The following FBLN2 variants were observed in gnomAD, a reference collection of about 807,000 sequenced individuals.
FBLN2 encodes fibulin 2.
In FBLN2, 81 loss-of-function variants were observed where a neutral mutation model predicts 123.7. The observed-to-expected ratio is 0.65, with a 90% CI of 0.55 to 0.79. FBLN2 has a LOEUF of 0.79. FBLN2 is among the 30% of genes least tolerant of loss of function. The pLI, the probability that FBLN2 is intolerant of heterozygous loss-of-function variation, is 0.00. For missense variants in FBLN2, 1,603 were observed against 1,681.3 expected, an observed-to-expected ratio of 0.95 and a Z score of 0.81; for synonymous variants, 699 against 701.4, an observed-to-expected ratio of 1.00 and a Z score of 0.05.
Position 13,621,916 on chromosome 3 carries a change from G to A in FBLN2, c.2296+1G>A, listed in dbSNP as rs1453582488. On this transcript the variant is annotated splice_donor_variant, in intron 9 of 17. Transcript: ENST00000404922. LOFTEE classifies it high-confidence loss of function. ...CTCAATGCGCACAGGAAGTGCGTGG[G>A]TAAGCCAGGGCCCCGCCTGCCGCCC... The A allele has an allele frequency of 6.2e-7, 1 of 1,611,238 alleles. No individual in the cohort carries two copies. Among genetic ancestry groups the A allele is most frequent in the Non-Finnish European group, 8.5e-7 (1 of 1,178,942 alleles).
At chr3:13,580,367 C>T (rs1032054073) in intron 2 of FBLN2, among the ~76,000 whole-genome samples, 4 of 152,294 alleles carry the variant, frequency 2.6e-5, no homozygotes, top group African/African-American at 4.8e-5. Context: ...TCTCTTTCCT[C>T]GTTCTATTCA....
Position 13,629,960 on chromosome 3 carries a change from A to ATC in FBLN2, c.2968+19_2968+20dup, listed in dbSNP as rs1439134583. The ATC allele has an allele frequency of 1.2e-6, 2 of 1,609,600 alleles. No individual in the cohort carries two copies. The highest frequency in any genetic ancestry group is 1.7e-6 in the Non-Finnish European group (2 of 1,178,820). ...GCGCTGTGAAGGTAGGCTGGCCCTC[A>ATC]TCTCTGACCCTATGCCGCCTGGTAT... On this transcript the variant is annotated intron_variant, in intron 14 of 17. Transcript: ENST00000404922.
rs192823388 is a variant in FBLN2, at chr3:13,567,087, T to C, written c.-41-3228T>C. ...GGCAAGCCTGAGGTTTGGGATTGCT[T>C]AAGCATGGACAGAATGTGATGCTGG... On this transcript the variant is annotated intron_variant, in intron 1 of 17. Coordinates refer to ENST00000404922, the MANE Select transcript of FBLN2 (RefSeq NM_001004019.2). 1.4e-3 allele frequency among the ~76,000 whole-genome samples: 211 copies of C among 151,994 alleles called. 1 individual carries two copies. The highest frequency in any genetic ancestry group is 3.4e-3 in the Middle Eastern group (1 of 294).
rs996794745 is a variant in FBLN2, at chr3:13,572,469, A to G, written c.1306+808A>G. On this transcript the variant is annotated intron_variant, in intron 2 of 17. Coordinates refer to ENST00000404922, the MANE Select transcript of FBLN2 (RefSeq NM_001004019.2). ...ACAACCAGTGAGCAGTGGGCCTGGA[A>G]GGCCCTGGAGCCTGCACTCCTGACC... is the stretch of plus-strand genomic sequence containing the variant. Among the ~76,000 whole-genome samples, 2 of 152,232 alleles carry G rather than the reference A, an allele frequency of 1.3e-5. 1 individual carries two copies. Among genetic ancestry groups the G allele is most frequent in the Admixed American group, 1.3e-4 (2 of 15,286 alleles).
Position 13,621,923 on chromosome 3 carries a change from A to G in FBLN2, c.2296+8A>G. 3 of 1,609,624 alleles carry G rather than the reference A, an allele frequency of 1.9e-6. No individual in the cohort carries two copies. The highest frequency in any genetic ancestry group is 2.5e-6 in the Non-Finnish European group (3 of 1,178,376). ...CGCACAGGAAGTGCGTGGGTAAGCC[A>G]GGGCCCCGCCTGCCGCCCGCCGTCA... On this transcript the variant is annotated splice_region_variant and intron_variant, in intron 9 of 17. Coordinates refer to ENST00000404922, the MANE Select transcript of FBLN2 (RefSeq NM_001004019.2).
At chr3:13,616,723 C>T (rs1320647514) in intron 5 of FBLN2, among the ~76,000 whole-genome samples, 1 of 152,226 alleles carries the variant, frequency 6.6e-6, no homozygotes, top group Non-Finnish European at 1.5e-5. Flanking sequence ...GTCCTGGCTG[C>T]ATGCTTTCCC....
intron 5 of FBLN2, 144 bp downstream of exon 5, chr3:13,614,308 A>G: frequency 1.2e-6 from 1 of 853,266 alleles, no homozygotes; most frequent in Non-Finnish European, 1.7e-6. Flanking sequence ...TGGTGATTTC[A>G]TTGTTTTCTG....
intron 2 of FBLN2, among the ~76,000 whole-genome samples, chr3:13,596,201 G>A (rs577833078): frequency 1.3e-5 from 2 of 152,308 alleles, no homozygotes; most frequent in South Asian, 4.1e-4. Context: ...GCAGTGGCGT[G>A]ATCACTGCTC....
At chr3:13,613,907 A>G (rs1705487459) in intron 4 of FBLN2, 77 bp from the exon 5 acceptor site, 1 of 1,475,892 alleles carries the variant, frequency 6.8e-7, no homozygotes, top group South Asian at 1.3e-5. Flanking sequence ...ATTCATCTCC[A>G]TTTATCAGTC....
chr3:13,617,142 C>T (rs75086478), intron 5 of FBLN2, among the ~76,000 whole-genome samples: 4 of 121,094 alleles, frequency 3.3e-5, no homozygotes, highest in African/African-American at 2.9e-4. Flanking sequence ...ATCCATTCAT[C>T]AATCCATCCA....
chr3:13,614,782 T>TATCC (rs911633476), intron 5 of FBLN2, among the ~76,000 whole-genome samples: 9 of 149,570 alleles, frequency 6.0e-5, no homozygotes, highest in South Asian at 2.1e-4. Flanking sequence ...TCCGTTTGTT[T>TATCC]ATCCATCCAT....
rs565563720 is a variant in FBLN2 at position 13,614,201 on chromosome 3, C to T, written c.1729+37C>T. ...TCTTCCCTGGCTGCGGCATATAGGG[C>T]GAAGGCTGGTTGACCTCTGGCCTTC... is the stretch of plus-strand genomic sequence containing the variant. On this transcript the variant is annotated intron_variant, in intron 5 of 17. Transcript: ENST00000404922. 52 of 1,590,720 alleles carry T rather than the reference C, an allele frequency of 3.3e-5. No homozygotes were observed. In the African/African-American group the frequency reaches 6.0e-4, roughly 18 times the overall value.
In FBLN2 at chr3:13,568,784, G is replaced by A. The variant is rs761225491; in HGVS notation, c.-41-1531G>A. On this transcript the variant is annotated intron_variant, in intron 1 of 17. Transcript: ENST00000404922. ...ATCATGGGGCTCATGCCTGCCTGGC[G>A]TTCAGTTCTCTACAGATTTGCTCTT... 19 of 985,634 alleles carry A rather than the reference G, an allele frequency of 1.9e-5. No individual in the cohort carries two copies. In the African/African-American group the frequency reaches 2.1e-4, roughly 11 times the overall value. 61.1% of individuals were successfully genotyped at this position (985,634 alleles called of 1,614,324 possible). A position where few individuals can be genotyped will look rare whatever the true frequency, so the allele number is the denominator to read the frequency against.
At chr3:13,619,870 G>C in intron 8 of FBLN2, 39 bp downstream of exon 8, 2 of 1,545,650 alleles carry the variant, frequency 1.3e-6, no homozygotes, top group Non-Finnish European at 1.8e-6. Context: ...GTGCAAACCT[G>C]AGTTGGCCTG....
chr3:13,628,182 T>C (rs1706116833), intron 11 of FBLN2, among the ~76,000 whole-genome samples: 1 of 152,252 alleles, frequency 6.6e-6, no homozygotes, highest in Non-Finnish European at 1.5e-5. Context: ...TACCTTGAGC[T>C]GTGAAACCTT....
rs576172689 is a variant in FBLN2 at position 13,633,408 on chromosome 3, C to T, written c.3214+1951C>T. Among the ~76,000 whole-genome samples, 16 of 152,422 alleles carry T rather than the reference C, an allele frequency of 1.0e-4. No homozygotes were observed. In the South Asian group the frequency reaches 3.1e-3, roughly 30 times the overall value. ...GAGGTTGGGGCAAGGTAGAGCCCCACACCTGCACATCTGCCGCCCTCGCTT... is the reference window on the plus strand; with the variant it reads ...GAGGTTGGGGCAAGGTAGAGCCCCATACCTGCACATCTGCCGCCCTCGCTT... On this transcript the variant is annotated intron_variant, in intron 16 of 17. Transcript: ENST00000404922.
In FBLN2 at chr3:13,630,756, C is replaced by T. The variant is rs751340695; in HGVS notation, c.3026C>T (p.Ser1009Phe). The T allele has an allele frequency of 1.2e-5, 20 of 1,610,354 alleles. No individual in the cohort carries two copies. The highest frequency in any genetic ancestry group is 3.3e-4 in the Middle Eastern group (2 of 6,052). Reference protein sequence around the residue: ...CSQECANIYGSYQCYCRQGYQ... With the variant: ...CSQECANIYGFYQCYCRQGYQ... ...CAGGAGTGTGCCAACATCTATGGCT[C>T]CTACCAGTGCTACTGCCGCCAGGGC... The change falls in exon 15 of 18, where the codon TCC becomes TTC. Residue 1009 changes from serine (S) to phenylalanine (F), a missense_variant. Transcript: ENST00000404922.
chr3:13,568,639 C>A, intron 1 of FBLN2: 1 of 379,098 alleles, frequency 2.6e-6, no homozygotes, highest in Non-Finnish European at 3.6e-6. Context: ...GCCCCTTGGC[C>A]CTGCCACTCC....
intron 2 of FBLN2, among the ~76,000 whole-genome samples, chr3:13,582,387 C>G (rs1269983575): frequency 6.6e-6 from 1 of 152,224 alleles, no homozygotes; most frequent in African/African-American, 2.4e-5. Context: ...TCGGCATCCT[C>G]TACCTGCCAG....
Sources: allele counts gnomAD v4.1 joint callset (sites outside exome capture counted in the v4.1 genomes callset), GRCh38; gene constraint gnomAD v4.1.1; transcripts MANE v1.5; gene names NCBI Gene and HGNC (gene_info 2026-07-23, HGNC 2026-07-21).